Variants in WDR27 observed in about 807,000 individuals in gnomAD.
WDR27 encodes the protein WD repeat domain 27.
WDR27 carries 100 observed loss-of-function variants against 114.4 expected under a neutral mutation model. The ratio of observed to expected loss-of-function variants is 0.87; its 90% CI spans 0.74 to 1.03. The LOEUF (loss-of-function observed/expected upper bound fraction) is 1.03, where lower values mean the gene tolerates loss of function less well. WDR27 is among the 50% of genes least tolerant of loss of function. The probability of loss-of-function intolerance (pLI) is 0.00; values close to 1 mark genes in which losing one functional copy is unlikely to be tolerated. For missense variants in WDR27, 1,129 were observed against 1,092.9 expected, an observed-to-expected ratio of 1.03 and a Z score of -0.47; for synonymous variants, 449 against 423.1, an observed-to-expected ratio of 1.06 and a Z score of -0.75.
At chr6:169,680,921 T>C (rs528385201) in intron 2 of WDR27, among the ~76,000 whole-genome samples, 1 of 152,302 alleles carries the variant, frequency 6.6e-6, no homozygotes, top group East Asian at 1.9e-4. Flanking sequence ...AAGTAAAAAC[T>C]AATGGAAGAC....
At chr6:169,547,079 A>C (rs73792932) in intron 25 of WDR27, among the ~76,000 whole-genome samples, 2,488 of 152,274 alleles carry the variant, frequency 0.016, 63 homozygotes, top group African/African-American at 0.057. Flanking sequence ...TGATAACCTA[A>C]ACAAAATGGA....
At position 169,480,107 on chromosome 6, in the gene WDR27, G is replaced by A. The variant is rs528636313; in HGVS notation, c.2646-22473C>T. ...CCAGCGTGAGTTCCAGGTGGATGCG[G>A]GCTCAGCGGGTCCCACACTTGGAGC... On this transcript the variant is annotated intron_variant, in intron 25 of 25. Coordinates refer to ENST00000448612, the MANE Select transcript of WDR27 (RefSeq NM_182552.5). Among the ~76,000 whole-genome samples the A allele has an allele frequency of 1.1e-4, 17 of 152,326 alleles. No individual in the cohort carries two copies. The South Asian group carries it at 3.5e-3, about 32-fold the overall frequency.
chr6:169,688,308 T>A (rs1783586917), intron 2 of WDR27, among the ~76,000 whole-genome samples: 1 of 152,108 alleles, frequency 6.6e-6, no homozygotes, highest in East Asian at 1.9e-4. Flanking sequence ...ATAAAGTTCA[T>A]CACAAGCAAA....
At chr6:169,694,022 C>T (rs1188455270) in intron 1 of WDR27, among the ~76,000 whole-genome samples, 1 of 152,136 alleles carries the variant, frequency 6.6e-6, no homozygotes, top group Non-Finnish European at 1.5e-5. Context: ...TTAAATGTAA[C>T]AGTCATGCCG....
intron 23 of WDR27, among the ~76,000 whole-genome samples, chr6:169,598,568 A>C (rs1387636891): frequency 6.6e-6 from 1 of 152,206 alleles, no homozygotes; most frequent in African/African-American, 2.4e-5. Context: ...TTTCAACATG[A>C]GTTCTGGAGG....
intron 25 of WDR27, among the ~76,000 whole-genome samples, chr6:169,499,063 T>A (rs552151389): frequency 4.1e-4 from 63 of 152,332 alleles, no homozygotes; most frequent in Non-Finnish European, 8.2e-4. Context: ...ATGAGCAGTG[T>A]CTTAAGCTAC....
At chr6:169,529,716 T>G (rs2865098) in intron 25 of WDR27, among the ~76,000 whole-genome samples, 63,284 of 152,104 alleles carry the variant, frequency 0.42, 15,603 homozygotes, top group African/African-American at 0.69. Context: ...TAGAATACTA[T>G]AAGCACAAAT....
rs985401975 is a variant in WDR27, at chr6:169,534,753, A to T, written c.2645+37666T>A. Among the ~76,000 whole-genome samples the T allele has an allele frequency of 3.3e-5, 5 of 151,726 alleles. No homozygotes were observed. The South Asian group carries it at 8.3e-4, about 25-fold the overall frequency. The stretch of plus-strand genomic sequence containing the variant: ...GGTAATGGTCTCTCTTTTGTTCCTG[A>T]TTTTAGTAATTTGAGTCTTCTCTTT... On this transcript the variant is annotated intron_variant, in intron 25 of 25. Transcript: ENST00000448612.
intron 7 of WDR27, 120 bp from the exon 8 acceptor site, chr6:169,664,406 G>A: frequency 6.4e-7 from 1 of 1,565,616 alleles, no homozygotes; most frequent in Non-Finnish European, 8.6e-7. Flanking sequence ...TCCACGGCCT[G>A]CAGAGGCTCC....
At chr6:169,467,936 T>C (rs1785825656) in intron 25 of WDR27, among the ~76,000 whole-genome samples, 1 of 152,218 alleles carries the variant, frequency 6.6e-6, no homozygotes, top group Non-Finnish European at 1.5e-5. Flanking sequence ...TCTTTGTGAA[T>C]ACATAAAACT....
At position 169,683,456 on chromosome 6, in the gene WDR27, A is replaced by T. The variant is rs372233539; in HGVS notation, c.189+5361T>A. 2.3e-4 allele frequency among the ~76,000 whole-genome samples: 35 copies of T among 152,256 alleles called. No homozygotes were observed. The South Asian group carries it at 4.2e-3, about 18-fold the overall frequency. The stretch of plus-strand genomic sequence containing the variant: ...CCAATCAAGCATACTGTACCTGGAG[A>T]AACTGACAACTAGACTAAGTGATAT... On this transcript the variant is annotated intron_variant, in intron 2 of 25. Coordinates refer to ENST00000448612, the MANE Select transcript of WDR27 (RefSeq NM_182552.5).
At position 169,695,927 on chromosome 6, in the gene WDR27, G is replaced by A. The variant is rs567496915; in HGVS notation, c.-8+5624C>T. On this transcript the variant is annotated intron_variant, in intron 1 of 25. Transcript: ENST00000448612. Reference sequence around the variant, plus strand: ...GACAGAAAAAGGACCCAGGAGCTGAGGCCTGTGGTGGCCCTAGAAGCTGGA... The same window carrying A: ...GACAGAAAAAGGACCCAGGAGCTGAAGCCTGTGGTGGCCCTAGAAGCTGGA... Among the ~76,000 whole-genome samples, 9 of 152,272 alleles carry A rather than the reference G, an allele frequency of 5.9e-5. No homozygotes were observed. In the South Asian group the frequency reaches 1.9e-3, roughly 32 times the overall value.
At chr6:169,682,772 C>T (rs1443636861) in intron 2 of WDR27, among the ~76,000 whole-genome samples, 1 of 151,994 alleles carries the variant, frequency 6.6e-6, no homozygotes, top group Non-Finnish European at 1.5e-5. Flanking sequence ...TATGAGTGGT[C>T]CCTCAGACAA....
chr6:169,470,215 T>C (rs1398661910), intron 25 of WDR27, among the ~76,000 whole-genome samples: 2 of 152,244 alleles, frequency 1.3e-5, no homozygotes, highest in Non-Finnish European at 2.9e-5. Context: ...TTCCTGTTTT[T>C]ACCCATATTC....
At chr6:169,691,446 G>GT (rs2128304450) in intron 1 of WDR27, among the ~76,000 whole-genome samples, 1 of 152,188 alleles carries the variant, frequency 6.6e-6, no homozygotes, top group Admixed American at 6.5e-5. Context: ...AGTAGACTCT[G>GT]TAACTTGAGC....
the WDR27 span, among the ~76,000 whole-genome samples, chr6:169,434,262 G>T: frequency 5.3e-5 from 8 of 152,126 alleles, no homozygotes; most frequent in Admixed American, 2.6e-4. Context: ...AGTTAATTTT[G>T]TGTAAGGTGT....
At chr6:169,441,058 CA>C in the WDR27 span, among the ~76,000 whole-genome samples, 2 of 152,032 alleles carry the variant, frequency 1.3e-5, no homozygotes, top group South Asian at 2.1e-4. Context: ...TCAGTTATCT[CA>C]ACAGGATGAT....
chr6:169,503,994 T>C (rs1313837207), intron 25 of WDR27, among the ~76,000 whole-genome samples: 1 of 152,128 alleles, frequency 6.6e-6, no homozygotes, highest in Non-Finnish European at 1.5e-5. Context: ...GTATGCTACA[T>C]ATCAAAGTAT....
At chr6:169,609,375 G>C (rs764069543) in intron 22 of WDR27, among the ~76,000 whole-genome samples, 1 of 152,182 alleles carries the variant, frequency 6.6e-6, no homozygotes, top group African/African-American at 2.4e-5. Flanking sequence ...ACATCTGCGT[G>C]GGCATCCAGG....
Sources: allele counts gnomAD v4.1 joint callset (sites outside exome capture counted in the v4.1 genomes callset), GRCh38; gene constraint gnomAD v4.1.1; transcripts MANE v1.5; gene names NCBI Gene and HGNC (gene_info 2026-07-23, HGNC 2026-07-21).